Variants in OSTC observed in about 807,000 individuals in gnomAD.
OSTC encodes the protein oligosaccharyltransferase complex non-catalytic subunit, also known as oligosaccharyltransferase complex subunit OSTC.
In OSTC, 16 loss-of-function variants were observed where a neutral mutation model predicts 16.4. The ratio of observed to expected loss-of-function variants is 0.98; its 90% confidence interval spans 0.66 to 1.49. The LOEUF (loss-of-function observed/expected upper bound fraction) is 1.49, where lower values mean the gene tolerates loss of function less well. Ranked by LOEUF, OSTC falls within the 40% of genes most tolerant of loss-of-function variation. OSTC has a pLI of 0.00. For missense variants in OSTC, 139 were observed against 186.3 expected (o/e 0.75, Z 1.48); for synonymous variants, 67 against 68.5 (o/e 0.98, Z 0.11).
chr4:108,656,732 C>T (rs572623530), intron 2 of OSTC, among the ~76,000 whole-genome samples: 1 of 151,976 alleles, frequency 6.6e-6, no homozygotes, highest in African/African-American at 2.4e-5. Context: ...CATAAAACTT[C>T]AAGAAACACA....
intron 3 of OSTC, among the ~76,000 whole-genome samples, chr4:108,661,896 G>A (rs1443645832): frequency 1.3e-5 from 2 of 152,144 alleles, no homozygotes; most frequent in Admixed American, 6.5e-5. Context: ...ACCATGCCTG[G>A]CCAAAAGCAG....
intron 1 of OSTC, among the ~76,000 whole-genome samples, chr4:108,654,642 A>G (rs1726652883): frequency 6.6e-6 from 1 of 152,208 alleles, no homozygotes; most frequent in Non-Finnish European, 1.5e-5. Context: ...TAGGCTTGTT[A>G]TGCTTAAGAA....
chr4:108,665,152 C>G (rs1044066169), intron 3 of OSTC, among the ~76,000 whole-genome samples: 1 of 152,098 alleles, frequency 6.6e-6, no homozygotes, highest in African/African-American at 2.4e-5. Flanking sequence ...TTGCTGTGTG[C>G]CAAGCACTGG....
chr4:108,667,122 TTA>T (rs1389249248), intron 3 of OSTC, 123 bp from the exon 4 acceptor site: 1 of 704,852 alleles, frequency 1.4e-6, no homozygotes, highest in African/African-American at 1.8e-5. Context: ...AATCACGCAA[TTA>T]TATTTTTGGA....
At chr4:108,654,045 A>G (rs1726631319) in intron 1 of OSTC, among the ~76,000 whole-genome samples, 1 of 152,236 alleles carries the variant, frequency 6.6e-6, no homozygotes, top group Admixed American at 6.5e-5. Context: ...GCAAGAAAAC[A>G]TGAAGAGGAG....
chr4:108,660,566 C>A (rs1726831221), intron 3 of OSTC, among the ~76,000 whole-genome samples: 1 of 152,050 alleles, frequency 6.6e-6, no homozygotes, highest in East Asian at 1.9e-4. Flanking sequence ...TCTATGATGA[C>A]CTAACAGTTT....
At chr4:108,660,455 G>A (rs1726827950) in intron 3 of OSTC, among the ~76,000 whole-genome samples, 1 of 152,182 alleles carries the variant, frequency 6.6e-6, no homozygotes, top group South Asian at 2.1e-4. Context: ...GGCCCCAGAG[G>A]AGATGATGAG....
In OSTC at chr4:108,659,258, G is replaced by A. The variant is rs373786864; in HGVS notation, c.431+1611G>A. ...GCCTCCCAAAGTGCTGGGATTATAG[G>A]TGTGAGCCACTGTGCCCGGCCAGCA... is the stretch of plus-strand genomic sequence containing the variant. On this transcript the variant is annotated intron_variant, in intron 3 of 3. Coordinates refer to ENST00000361564, the MANE Select transcript of OSTC (RefSeq NM_021227.4). 5.4e-4 allele frequency among the ~76,000 whole-genome samples: 82 copies of A among 152,056 alleles called. 2 individuals carry two copies. The South Asian group carries it at 0.014, about 26-fold the overall frequency.
intron 1 of OSTC, among the ~76,000 whole-genome samples, chr4:108,653,672 C>T (rs936000702): frequency 2.0e-5 from 3 of 152,094 alleles, no homozygotes; most frequent in African/African-American, 7.2e-5. Context: ...GAAAATGGTG[C>T]ACCAGAGGTT....
intron 3 of OSTC, among the ~76,000 whole-genome samples, chr4:108,658,971 CTTTTTTTTTT>C (rs766585998): frequency 2.4e-5 from 2 of 83,910 alleles, no homozygotes; most frequent in Admixed American, 1.5e-4. Context: ...GGCAGCAGCT[CTTTTTTTTTT>C]TTTTTTTTTT....
chr4:108,661,271 T>C (rs1726850913), intron 3 of OSTC, among the ~76,000 whole-genome samples: 2 of 150,080 alleles, frequency 1.3e-5, no homozygotes, highest in African/African-American at 4.9e-5. Flanking sequence ...TTTGCACACA[T>C]AGCAGTACAT....
intron 2 of OSTC, 34 bp downstream of exon 2, chr4:108,655,691 G>T: frequency 1.4e-6 from 2 of 1,476,982 alleles, no homozygotes; most frequent in South Asian, 2.3e-5. Flanking sequence ...TTTGGTGGTG[G>T]GAAAGAAGGT....
intron 3 of OSTC, among the ~76,000 whole-genome samples, chr4:108,661,965 T>G (rs1309684460): frequency 6.6e-6 from 1 of 152,082 alleles, no homozygotes; most frequent in African/African-American, 2.4e-5. Flanking sequence ...TGCCCTAAAG[T>G]CAGGTGAGGT....
intron 3 of OSTC, among the ~76,000 whole-genome samples, chr4:108,660,791 T>G (rs1392179459): frequency 6.6e-6 from 1 of 152,254 alleles, no homozygotes; most frequent in African/African-American, 2.4e-5. Context: ...ACAGTAGCAC[T>G]GAAACAGTAT....
chr4:108,657,736 C>T, intron 3 of OSTC, 89 bp downstream of exon 3: 1 of 1,195,622 alleles, frequency 8.4e-7, no homozygotes, highest in Non-Finnish European at 1.2e-6. Flanking sequence ...TTTAATTTAA[C>T]TTTCATTTAC....
intron 3 of OSTC, among the ~76,000 whole-genome samples, chr4:108,659,564 C>G (rs1163573029): frequency 6.6e-6 from 1 of 151,986 alleles, no homozygotes; most frequent in Non-Finnish European, 1.5e-5. Flanking sequence ...GTCAGGAGAT[C>G]AAAACCATCC....
intron 2 of OSTC, among the ~76,000 whole-genome samples, chr4:108,655,979 G>T (rs1436099917): frequency 6.6e-6 from 1 of 152,030 alleles, no homozygotes; most frequent in Non-Finnish European, 1.5e-5. Context: ...TTTATTGGAA[G>T]TAAGTATGCC....
chr4:108,665,972 G>A (rs1416376733), intron 3 of OSTC, among the ~76,000 whole-genome samples: 1 of 152,066 alleles, frequency 6.6e-6, no homozygotes, highest in Non-Finnish European at 1.5e-5. Flanking sequence ...GAAAGGTTTG[G>A]AACTTTTATA....
rs1421643461 is a variant in OSTC at position 108,650,652 on chromosome 4, C to T, written c.-4C>T. On this transcript the variant is annotated 5_prime_UTR_variant, in exon 1 of 4. Coordinates refer to ENST00000361564, the MANE Select transcript of OSTC (RefSeq NM_021227.4). ...GGCCGAGAACGGCCCTTGCTGCCAC[C>T]AACATGGAGACTTTGTACCGTGTCC... 4 of 1,613,914 alleles carry T rather than the reference C, an allele frequency of 2.5e-6. No homozygotes were observed. The highest frequency in any genetic ancestry group is 1.3e-5 in the African/African-American group (1 of 75,024).
Sources: gnomAD v4.1 joint callset for allele counts (sites outside exome capture counted in the v4.1 genomes callset) on GRCh38, gnomAD v4.1.1 for gene constraint, MANE v1.5 for transcripts, NCBI Gene and HGNC (gene_info 2026-07-23, HGNC 2026-07-21) for gene names.